The following CCDC186 variants were observed in gnomAD, a reference collection of about 807,000 sequenced individuals.
CCDC186 encodes coiled-coil domain-containing protein 186.
In CCDC186, 49 loss-of-function variants were observed where a neutral mutation model predicts 113.7. The observed-to-expected ratio is 0.43, with a 90% CI of 0.34 to 0.55. The LOEUF is 0.55. CCDC186 is among the 20% of genes least tolerant of loss of function. CCDC186 has a pLI of 0.02. For missense variants in CCDC186, 890 were observed against 1,011.1 expected, an observed-to-expected ratio of 0.88 and a Z score of 1.62; for synonymous variants, 355 against 345.8, an observed-to-expected ratio of 1.03 and a Z score of -0.30.
chr10:114,144,991 T>C (rs1378592918), intron 5 of CCDC186, among the ~76,000 whole-genome samples: 1 of 152,034 alleles, frequency 6.6e-6, no homozygotes, highest in African/African-American at 2.4e-5. Context: ...AAATTTATCA[T>C]TGAAAAATGA....
At chr10:114,147,799 C>A (rs376549407) in intron 4 of CCDC186, among the ~76,000 whole-genome samples, 5 of 151,658 alleles carry the variant, frequency 3.3e-5, no homozygotes, top group Non-Finnish European at 5.9e-5. Flanking sequence ...AGAAAATAAT[C>A]AAAAAAAGAC....
At chr10:114,154,275 T>A (rs182631697) in intron 3 of CCDC186, among the ~76,000 whole-genome samples, 1 of 149,740 alleles carries the variant, frequency 6.7e-6, no homozygotes, top group East Asian at 1.9e-4. Context: ...AAAAACTGGT[T>A]CTCTGAAAAG....
chr10:114,142,231 T>G (rs183083534), intron 6 of CCDC186, among the ~76,000 whole-genome samples: 29 of 152,264 alleles, frequency 1.9e-4, no homozygotes, highest in Admixed American at 1.4e-3. Flanking sequence ...GTACAGAACA[T>G]ATCATAAAAT....
chr10:114,158,661 T>C (rs1261798074), intron 2 of CCDC186, among the ~76,000 whole-genome samples: 1 of 151,938 alleles, frequency 6.6e-6, no homozygotes, highest in Non-Finnish European at 1.5e-5. Flanking sequence ...TGAGCTCCAC[T>C]GCACTCCTGC....
At chr10:114,127,344 A>T in intron 14 of CCDC186, 117 bp downstream of exon 14, 1 of 923,802 alleles carries the variant, frequency 1.1e-6, no homozygotes, top group Non-Finnish European at 1.6e-6. Flanking sequence ...GGAACTGAAT[A>T]ACTATAATTA....
chr10:114,125,892 A>G lies in CCDC186; in HGVS notation c.2607T>C (p.Thr869=), dbSNP rs2030882879. 4 of 1,613,214 alleles carry G rather than the reference A, an allele frequency of 2.5e-6. No homozygotes were observed. In the Admixed American group the frequency reaches 6.7e-5, roughly 27 times the overall value. Residue 869 remains threonine (T), a synonymous_variant, in exon 15 of 16, where the codon ACT becomes ACC. Coordinates refer to ENST00000369287, the MANE Select transcript of CCDC186 (RefSeq NM_018017.4). ...GAATGAGAAACACAAATACCTTCAA[A>G]GTAATATTTTTTAGTAACGTATCCT... The part of the protein sequence containing the change: ...VLEDTLLKNI[T]LKENLQTLGT...
At chr10:114,158,496 T>C (rs2032074291) in intron 2 of CCDC186, among the ~76,000 whole-genome samples, 1 of 152,146 alleles carries the variant, frequency 6.6e-6, no homozygotes, top group Non-Finnish European at 1.5e-5. Context: ...AAAAAGTGTA[T>C]TATTTCATTT....
intron 1 of CCDC186, among the ~76,000 whole-genome samples, chr10:114,165,509 C>T (rs375403550): frequency 1.3e-5 from 2 of 152,026 alleles, no homozygotes; most frequent in South Asian, 2.1e-4. Flanking sequence ...CTGGCCAAGA[C>T]GACGAAACCC....
chr10:114,151,122 T>C lies in CCDC186; in HGVS notation c.858A>G (p.Leu286=), dbSNP rs766323585. The change falls in exon 4 of 16, where the codon TTA becomes TTG. Residue 286 remains leucine, a synonymous_variant. Transcript: ENST00000369287. ...CCATCCGTTGGGCCATCTCTTTGTG[T>C]AACTGCTGAACTGCATTTTTAGCTG... ...DVTAKNAVQQ[L]HKEMAQRMEQ... is the part of the protein sequence containing the mutation. 3.7e-6 allele frequency: 6 copies of C among 1,613,874 alleles called. No homozygotes were observed. Among genetic ancestry groups the C allele is most frequent in the Non-Finnish European group, 5.1e-6 (6 of 1,179,888 alleles).
At chr10:114,134,832 G>A in intron 10 of CCDC186, 81 bp downstream of exon 10, 2 of 1,483,336 alleles carry the variant, frequency 1.3e-6, no homozygotes, top group Non-Finnish European at 9.0e-7. Context: ...TTTGTTTAAT[G>A]CAATAACTGC....
In CCDC186 at chr10:114,131,270, C is replaced by A. The variant is rs142919411; in HGVS notation, c.1978G>T (p.Ala660Ser). Residue 660 changes from alanine to serine, a missense_variant, in exon 12 of 16, where the codon GCT becomes TCT. Transcript: ENST00000369287. Reference protein sequence around the residue: ...EEVQTLQAELACRQTEVKALS... With the variant: ...EEVQTLQAELSCRQTEVKALS... ...GCTTTAACTTCTGTTTGTCTACAAG[C>A]GAGTTCAGCTTGCAGAGTTTGGACT... is the stretch of plus-strand genomic sequence containing the variant. 4.4e-6 allele frequency: 7 copies of A among 1,603,138 alleles called. No individual in the cohort carries two copies. The highest frequency in any genetic ancestry group is 1.7e-4 in the Middle Eastern group (1 of 6,040).
chr10:114,125,339 T>C, intron 15 of CCDC186, 113 bp from the exon 16 acceptor site: 1 of 676,672 alleles, frequency 1.5e-6, no homozygotes, highest in South Asian at 2.0e-5. Flanking sequence ...GAGTGGTTAG[T>C]CCTAAATGCT....
rs751643342 is a variant in CCDC186 at position 114,162,847 on chromosome 10, T to C, written c.422A>G (p.Tyr141Cys). 5.6e-6 allele frequency: 9 copies of C among 1,613,900 alleles called. No homozygotes were observed. Among genetic ancestry groups the C allele is most frequent in the African/African-American group, 4.0e-5 (3 of 74,932 alleles). Residue 141 changes from tyrosine (Y) to cysteine (C), a missense_variant, in exon 2 of 16, where the codon TAT becomes TGT. Tyr to Cys is a radical substitution (Grantham distance 194, BLOSUM62 -2). Coordinates refer to ENST00000369287, the MANE Select transcript of CCDC186 (RefSeq NM_018017.4). ...AAATTTCTTGGTGCAGTCTGTATCA[T>C]AGGGGCTTTCTGAATAAGTCTTTTC... ...ANEKTYSESP[Y>C]DTDCTKKFIS...
Position 114,137,180 on chromosome 10 carries a change from G to T in CCDC186, c.1326+6C>A. 1.3e-6 allele frequency: 2 copies of T among 1,583,314 alleles called. No homozygotes were observed. The highest frequency in any genetic ancestry group is 1.7e-6 in the Non-Finnish European group (2 of 1,153,012). ...GATACTAATCTATTTTAAAAGTTAT[G>T]CATACCTGATATGTTTTTATCATAT... On this transcript the variant is annotated splice_donor_region_variant and intron_variant, in intron 7 of 15. Coordinates refer to ENST00000369287, the MANE Select transcript of CCDC186 (RefSeq NM_018017.4).
At chr10:114,140,062 T>C (rs1229747759) in intron 6 of CCDC186, among the ~76,000 whole-genome samples, 1 of 152,232 alleles carries the variant, frequency 6.6e-6, no homozygotes, top group Non-Finnish European at 1.5e-5. Context: ...TGTTCTATGC[T>C]CCAGGGACAT....
rs2031578179 is a variant in CCDC186 at position 114,144,570 on chromosome 10, T to C, written c.1148A>G (p.Glu383Gly). The change falls in exon 6 of 16, where the codon GAA (glutamate) becomes GGA (glycine). Residue 383 changes from glutamate (E) to glycine (G), a missense_variant. Transcript: ENST00000369287. ...TTTGATGACGTGAGAGTTAATGTCT[T>C]CCTTTAATTTGTCTATTTCTCTGAT... ...RLIREIDKLK[E>G]DINSHVIKVK... The C allele has an allele frequency of 6.2e-7, 1 of 1,613,050 alleles. No homozygotes were observed. The highest frequency in any genetic ancestry group is 8.5e-7 in the Non-Finnish European group (1 of 1,179,232).
At chr10:114,156,446 G>T (rs933178176) in intron 3 of CCDC186, among the ~76,000 whole-genome samples, 3 of 152,204 alleles carry the variant, frequency 2.0e-5, no homozygotes, top group Non-Finnish European at 2.9e-5. Flanking sequence ...AAAGAGGCCA[G>T]GGGCAGTGGT....
intron 10 of CCDC186, among the ~76,000 whole-genome samples, chr10:114,133,411 C>G (rs920558673): frequency 6.6e-6 from 1 of 152,096 alleles, no homozygotes; most frequent in African/African-American, 2.4e-5. Flanking sequence ...TTTGGAAATG[C>G]TAAAGTTTGA....
At chr10:114,141,645 G>A (rs895691946) in intron 6 of CCDC186, among the ~76,000 whole-genome samples, 9 of 151,360 alleles carry the variant, frequency 5.9e-5, no homozygotes, top group East Asian at 3.9e-4. Context: ...ACACACACAC[G>A]CACGCACACA....
Sources: allele counts gnomAD v4.1 joint callset (sites outside exome capture counted in the v4.1 genomes callset), GRCh38; gene constraint gnomAD v4.1.1; transcripts MANE v1.5; gene names NCBI Gene and HGNC (gene_info 2026-07-23, HGNC 2026-07-21).